The following CABP7 variants were observed in gnomAD, a reference collection of about 807,000 sequenced individuals.
CABP7 encodes calcium binding protein 7.
CABP7 carries 13 observed loss-of-function variants against 23.1 expected under a neutral mutation model. That is an observed-to-expected ratio of 0.56 (90% CI 0.37 to 0.90). The LOEUF (loss-of-function observed/expected upper bound fraction) is 0.90, where lower values mean the gene tolerates loss of function less well. Ranked by LOEUF, CABP7 falls within the 40% of genes least tolerant of loss-of-function variation. CABP7 has a pLI of 0.01. For synonymous variants in CABP7, 123 were observed against 115.3 expected, an observed-to-expected ratio of 1.07 and a Z score of -0.43; for missense variants, 248 against 295.6, an observed-to-expected ratio of 0.84 and a Z score of 1.18.
Position 29,720,527 on chromosome 22 carries a change from C to A in CABP7, c.103C>A (p.Leu35Met). ...CCCGGTGGACATCCCGGAGGACGAG[C>A]TGGAGGGTGAGTGTCCGCCGGGATC... is the stretch of plus-strand genomic sequence containing the variant. ...QRPVDIPEDE[L>M]EEIREAFKVF... is the part of the protein sequence containing the mutation. Residue 35 changes from leucine to methionine, a missense_variant, in exon 1 of 5, where the codon CTG becomes ATG. Leu to Met is a conservative substitution (Grantham distance 15). Transcript: ENST00000216144. This position sits in a 1 kb window ranked among gnomAD's most constrained non-coding sequence, Gnocchi z 5.2. 2.6e-6 allele frequency: 4 copies of A among 1,535,244 alleles called. No homozygotes were observed. The South Asian group carries it at 4.7e-5, about 18-fold the overall frequency.
rs1260612808 is a variant in CABP7, at chr22:29,720,680, C to G, written c.109+147C>G. Reference sequence around the variant, plus strand: ...GGCGCCCCAGCTAGCAGCTGTGCCCCGCGGCAAGACCTGTCCGCACCCCGG... The same window carrying G: ...GGCGCCCCAGCTAGCAGCTGTGCCCGGCGGCAAGACCTGTCCGCACCCCGG... On this transcript the variant is annotated intron_variant, in intron 1 of 4. Transcript: ENST00000216144. This position sits in a 1 kb window ranked among gnomAD's most constrained non-coding sequence, Gnocchi z 5.2. The G allele has an allele frequency of 2.2e-6, 1 of 458,238 alleles. No homozygotes were observed. The highest frequency in any genetic ancestry group is 3.8e-6 in the Non-Finnish European group (1 of 263,844). 28.4% of individuals were successfully genotyped at this position (458,238 alleles called of 1,614,324 possible).
intron 1 of CABP7, among the ~76,000 whole-genome samples, chr22:29,721,001 G>T (rs2067757837): frequency 6.6e-6 from 1 of 152,158 alleles, no homozygotes. Flanking sequence ...AGCAGCAGAA[G>T]GGGAGAGGGC....
chr22:29,725,984 G>A (rs1192452672), intron 1 of CABP7, among the ~76,000 whole-genome samples: 3 of 152,176 alleles, frequency 2.0e-5, no homozygotes, highest in Non-Finnish European at 4.4e-5. Flanking sequence ...CCCCTGTGAC[G>A]GGGAGCTCAC....
In CABP7 at chr22:29,729,462, C is replaced by A; in HGVS notation, c.541C>A (p.Arg181Ser). 1 of 1,611,132 alleles carries A rather than the reference C, an allele frequency of 6.2e-7. No individual in the cohort carries two copies. Among genetic ancestry groups the A allele is most frequent in the Non-Finnish European group, 8.5e-7 (1 of 1,179,966 alleles). The change falls in exon 5 of 5, where the codon CGC becomes AGC. Residue 181 changes from arginine to serine, a missense_variant. Coordinates refer to ENST00000216144, the MANE Select transcript of CABP7 (RefSeq NM_182527.3). Reference sequence around the variant, plus strand: ...CACAGCCTGCTCCAACCAGCAGATCCGCCAGACTTGCGTGCGCAAGAGTCT... The same window carrying A: ...CACAGCCTGCTCCAACCAGCAGATCAGCCAGACTTGCGTGCGCAAGAGTCT... ...DVETCSNQQI[R>S]QTCVRKSLIC...
Position 29,727,681 on chromosome 22 carries a change from G to A in CABP7, c.129G>A (p.Lys43=). Residue 43 remains lysine, a synonymous_variant, in exon 2 of 5, where the codon AAG becomes AAA. Transcript: ENST00000216144. The surrounding 1 kb of genome is among the most constrained non-coding windows in gnomAD (Gnocchi z 4.2). The part of the protein sequence containing the change: ...DELEEIREAF[K]VFDRDGNGFI... ...CCTCAGAGATCCGAGAGGCCTTCAAGGTGTTTGACCGTGACGGCAATGGCT... is the reference window on the plus strand; with the variant it reads ...CCTCAGAGATCCGAGAGGCCTTCAAAGTGTTTGACCGTGACGGCAATGGCT... 6.2e-7 allele frequency: 1 copy of A among 1,613,818 alleles called. No homozygotes were observed. The highest frequency in any genetic ancestry group is 8.5e-7 in the Non-Finnish European group (1 of 1,179,962).
intron 3 of CABP7, 72 bp downstream of exon 3, chr22:29,728,814 G>A: frequency 8.4e-7 from 1 of 1,194,210 alleles, no homozygotes; most frequent in Non-Finnish European, 1.2e-6. Flanking sequence ...GTGAATGGCT[G>A]GGCCCACACT....
chr22:29,721,601 C>A (rs1382389152), intron 1 of CABP7, among the ~76,000 whole-genome samples: 1 of 152,132 alleles, frequency 6.6e-6, no homozygotes, highest in East Asian at 1.9e-4. Flanking sequence ...CAGCCAAGAC[C>A]AGCACAGTCA....
chr22:29,731,486 G>A lies in CABP7; in HGVS notation c.*1917G>A. On this transcript the variant is annotated 3_prime_UTR_variant, in exon 5 of 5. Coordinates refer to ENST00000216144, the MANE Select transcript of CABP7 (RefSeq NM_182527.3). ...GCCTGCATGACTTTTCTGGAAGGCA[G>A]AGCCTCGAAAATAGGCAGACCGTTT... is the stretch of plus-strand genomic sequence containing the variant. 1 of 1,283,400 alleles carries A rather than the reference G, an allele frequency of 7.8e-7. No individual in the cohort carries two copies. Among genetic ancestry groups the A allele is most frequent in the Non-Finnish European group, 1.0e-6 (1 of 969,174 alleles). The allele number at this position is 1,283,400 out of a possible 1,614,324, so 79.5% of individuals were successfully genotyped here. A position where few individuals can be genotyped will look rare whatever the true frequency, so the allele number is the denominator to read the frequency against.
chr22:29,721,943 G>T (rs746794194), intron 1 of CABP7, among the ~76,000 whole-genome samples: 1 of 151,998 alleles, frequency 6.6e-6, no homozygotes, highest in Non-Finnish European at 1.5e-5. Context: ...CCCGGGGAAA[G>T]GAGGGGTACG....
In CABP7 at chr22:29,727,955, C is replaced by T. The variant is rs1346375973; in HGVS notation, c.253+150C>T. ...TCAAAGTCCGTGGCAGGTTGCAGCC[C>T]GGTCTGGCCCCATTTCTCAGCCTGG... On this transcript the variant is annotated intron_variant, in intron 2 of 4. Transcript: ENST00000216144. The surrounding 1 kb of genome is among the most constrained non-coding windows in gnomAD (Gnocchi z 4.2). 15 of 880,096 alleles carry T rather than the reference C, an allele frequency of 1.7e-5. No individual in the cohort carries two copies. Among genetic ancestry groups the T allele is most frequent in the East Asian group, 1.4e-4 (5 of 36,476 alleles). 54.5% of individuals were successfully genotyped at this position (880,096 alleles called of 1,614,324 possible). A position where few individuals can be genotyped will look rare whatever the true frequency, so the allele number is the denominator to read the frequency against.
In CABP7 at chr22:29,727,640, G is replaced by GC. The variant is rs759055392; in HGVS notation, c.110-20dup. 20 of 1,613,402 alleles carry GC rather than the reference G, an allele frequency of 1.2e-5. No individual in the cohort carries two copies. Among genetic ancestry groups the GC allele is most frequent in the Non-Finnish European group, 5.9e-6 (7 of 1,179,784 alleles). Reference sequence around the variant, plus strand: ...TGTTGGGGACCGGGGTGAAGTCCCAGCCTACTCCATTCTCTCCTCAGAGAT... The same window carrying GC: ...TGTTGGGGACCGGGGTGAAGTCCCAGCCCTACTCCATTCTCTCCTCAGAGAT... On this transcript the variant is annotated intron_variant, in intron 1 of 4. Transcript: ENST00000216144. The surrounding 1 kb of genome is among the most constrained non-coding windows in gnomAD (Gnocchi z 4.2).
Position 29,731,067 on chromosome 22 carries a change from G to A in CABP7, c.*1498G>A, listed in dbSNP as rs1164633414. 1 of 724,114 alleles carries A rather than the reference G, an allele frequency of 1.4e-6. No homozygotes were observed. Among genetic ancestry groups the A allele is most frequent in the African/African-American group, 1.8e-5 (1 of 54,460 alleles). The allele number at this position is 724,114 out of a possible 1,614,324, so 44.9% of individuals were successfully genotyped here. A position where few individuals can be genotyped will look rare whatever the true frequency, so the allele number is the denominator to read the frequency against. ...GGGAGAGCTGCCCGGTGCAGACCCA[G>A]GACGAGGGCTGCACTTGGTGTGGCC... On this transcript the variant is annotated 3_prime_UTR_variant, in exon 5 of 5. Transcript: ENST00000216144.
chr22:29,728,554 C>T, intron 2 of CABP7, 76 bp from the exon 3 acceptor site: 1 of 912,888 alleles, frequency 1.1e-6, no homozygotes, highest in Non-Finnish European at 1.8e-6. Flanking sequence ...ATCAAGACTC[C>T]ATCCCAGGAC....
Position 29,720,225 on chromosome 22 carries a change from G to A in CABP7, c.-200G>A, listed in dbSNP as rs1208843509. The A allele has an allele frequency of 1.4e-5, 2 of 147,176 alleles. No individual in the cohort carries two copies. Among genetic ancestry groups the A allele is most frequent in the Non-Finnish European group, 3.0e-5 (2 of 66,446 alleles). 9.1% of individuals were successfully genotyped at this position (147,176 alleles called of 1,614,324 possible). A position where few individuals can be genotyped will look rare whatever the true frequency, so the allele number is the denominator to read the frequency against. ...GCGGGGCCCCGGCTGGGAGCCCGAC[G>A]AGGGAGCGGGCGGCATGGCCCGGCG... is the stretch of plus-strand genomic sequence containing the variant. On this transcript the variant is annotated 5_prime_UTR_variant, in exon 1 of 5. Coordinates refer to ENST00000216144, the MANE Select transcript of CABP7 (RefSeq NM_182527.3). The surrounding 1 kb of genome is among the most constrained non-coding windows in gnomAD (Gnocchi z 5.2).
Position 29,727,711 on chromosome 22 carries a change from C to A in CABP7, c.159C>A (p.Ile53=). The change falls in exon 2 of 5, where the codon ATC becomes ATA. Residue 53 remains isoleucine (I), a synonymous_variant. Coordinates refer to ENST00000216144, the MANE Select transcript of CABP7 (RefSeq NM_182527.3). This position sits in a 1 kb window ranked among gnomAD's most constrained non-coding sequence, Gnocchi z 4.2. ...KVFDRDGNGF[I]SKQELGTAMR... ...TTGACCGTGACGGCAATGGCTTCAT[C>A]TCCAAGCAGGAGCTGGGCACAGCCA... is the stretch of plus-strand genomic sequence containing the variant. The A allele has an allele frequency of 6.2e-7, 1 of 1,613,740 alleles. No homozygotes were observed. Among genetic ancestry groups the A allele is most frequent in the Non-Finnish European group, 8.5e-7 (1 of 1,179,942 alleles).
chr22:29,723,975 G>T (rs929237147), intron 1 of CABP7, among the ~76,000 whole-genome samples: 4 of 152,180 alleles, frequency 2.6e-5, no homozygotes, highest in African/African-American at 4.8e-5. Flanking sequence ...TGGCAGGTAG[G>T]GGGCAGGTCA....
At chr22:29,724,329 G>A (rs1009488720) in intron 1 of CABP7, among the ~76,000 whole-genome samples, 9 of 152,222 alleles carry the variant, frequency 5.9e-5, no homozygotes, top group African/African-American at 2.2e-4. Context: ...CCCAGCGACC[G>A]CCAACAGGAA....
rs1225873211 is a variant in CABP7, at chr22:29,725,401, A to G, written c.110-2261A>G. 3.3e-5 allele frequency among the ~76,000 whole-genome samples: 5 copies of G among 152,284 alleles called. No homozygotes were observed. In the South Asian group the frequency reaches 1.0e-3, roughly 32 times the overall value. ...AGAGCCAGAGAACTGCGTGCTTCAG[A>G]TGGATGGGCTCCCCACATCAGTCAT... On this transcript the variant is annotated intron_variant, in intron 1 of 4. Coordinates refer to ENST00000216144, the MANE Select transcript of CABP7 (RefSeq NM_182527.3).
At chr22:29,729,352 G>A (rs1019354033) in intron 4 of CABP7, 90 bp from the exon 5 acceptor site, 1 of 1,578,736 alleles carries the variant, frequency 6.3e-7, no homozygotes, top group Non-Finnish European at 8.6e-7. Context: ...CCCATGGGAT[G>A]AGCCCATGTG....
Sources: allele counts gnomAD v4.1 joint callset (sites outside exome capture counted in the v4.1 genomes callset), GRCh38; gene constraint gnomAD v4.1.1; non-coding constraint Gnocchi (gnomAD v3.1); transcripts MANE v1.5; gene names NCBI Gene and HGNC (gene_info 2026-07-23, HGNC 2026-07-21).